Variants in RAF1 observed in about 807,000 individuals in gnomAD.
RAF1 encodes Raf-1 proto-oncogene, serine/threonine kinase, also known as RAF proto-oncogene serine/threonine-protein kinase.
RAF1 carries 27 observed loss-of-function variants against 81.1 expected under a neutral mutation model. That is an observed-to-expected ratio of 0.33 (90% CI 0.25 to 0.46). The LOEUF is 0.46. RAF1 is among the 20% of genes least tolerant of loss of function. The probability of loss-of-function intolerance (pLI) is 1.00; values close to 1 mark genes in which losing one functional copy is unlikely to be tolerated. For synonymous variants in RAF1, 298 were observed against 294.0 expected (o/e 1.01, Z -0.14); for missense variants, 598 against 826.0 (o/e 0.72, Z 3.38).
chr3:12,616,917 A>G (rs2059384616), intron 2 of RAF1, among the ~76,000 whole-genome samples: 1 of 152,132 alleles, frequency 6.6e-6, no homozygotes, highest in Admixed American at 6.6e-5. Context: ...TTTATCCATA[A>G]TAGTAGAAAA....
At chr3:12,617,173 C>T (rs1399657958) in intron 2 of RAF1, among the ~76,000 whole-genome samples, 6 of 152,042 alleles carry the variant, frequency 3.9e-5, no homozygotes, top group African/African-American at 1.2e-4. Flanking sequence ...AGTGCAGTGG[C>T]GCAATCCTGG....
intron 1 of RAF1, among the ~76,000 whole-genome samples, chr3:12,629,659 T>C (rs1233561878): frequency 6.6e-6 from 1 of 152,218 alleles, no homozygotes; most frequent in Non-Finnish European, 1.5e-5. Context: ...TTAAGATCCG[T>C]GCATTCATGG....
At chr3:12,662,795 C>T (rs1430848653) in intron 1 of RAF1, among the ~76,000 whole-genome samples, 1 of 152,104 alleles carries the variant, frequency 6.6e-6, no homozygotes, top group Admixed American at 6.6e-5. Context: ...CCAAGCAAAA[C>T]TAACTGTTCT....
chr3:12,653,542 C>A (rs1277085980), intron 1 of RAF1, among the ~76,000 whole-genome samples: 1 of 151,920 alleles, frequency 6.6e-6, no homozygotes, highest in Non-Finnish European at 1.5e-5. Flanking sequence ...GTCAGGAGTT[C>A]GAGACCAGCC....
In RAF1 at chr3:12,584,900, G is replaced by C. The variant is rs2125319578; in HGVS notation, c.1810C>G (p.Leu604Val). 2 of 1,614,164 alleles carry C rather than the reference G, an allele frequency of 1.2e-6. No homozygotes were observed. Among genetic ancestry groups the C allele is most frequent in the Non-Finnish European group, 1.7e-6 (2 of 1,180,046 alleles). Residue 604 changes from leucine (L) to valine (V), a missense_variant, in exon 17 of 18, where the codon CTG (leucine) becomes GTG (valine). Coordinates refer to ENST00000442415, the MANE Select transcript of RAF1 (RefSeq NM_001354689.3). ...ACTTTCTTCACACAGTCAGCTACCA[G>C]CCTCTTCATTGCTTTGGGGCAGTTC...
chr3:12,637,788 G>A (rs1376914502), intron 1 of RAF1, among the ~76,000 whole-genome samples: 2 of 152,042 alleles, frequency 1.3e-5, no homozygotes, highest in Non-Finnish European at 2.9e-5. Flanking sequence ...GAGAGGCAGA[G>A]GTTGCAGTGA....
intron 2 of RAF1, among the ~76,000 whole-genome samples, chr3:12,613,891 A>C (rs1028734967): frequency 6.6e-6 from 1 of 152,216 alleles, no homozygotes; most frequent in Admixed American, 6.5e-5. Flanking sequence ...GAAGAATTTG[A>C]ACTTGTAACA....
chr3:12,639,043 T>C (rs1362820868), intron 1 of RAF1, among the ~76,000 whole-genome samples: 1 of 35,970 alleles, frequency 2.8e-5, no homozygotes, highest in Non-Finnish European at 5.0e-5. Context: ...TGCTGCTGGA[T>C]CAAGCTGCCT....
At chr3:12,645,935 G>T (rs2060336224) in intron 1 of RAF1, among the ~76,000 whole-genome samples, 1 of 151,966 alleles carries the variant, frequency 6.6e-6, no homozygotes, top group Admixed American at 6.6e-5. Flanking sequence ...CTGTGTGGAG[G>T]AAAGAAAAAG....
At chr3:12,647,518 A>G (rs1340319727) in intron 1 of RAF1, among the ~76,000 whole-genome samples, 3 of 151,622 alleles carry the variant, frequency 2.0e-5, no homozygotes, top group African/African-American at 7.3e-5. Flanking sequence ...ACCTGAGCCC[A>G]GGGAGGTCCA....
chr3:12,585,299 C>G (rs2125323673), intron 15 of RAF1, 46 bp from the exon 15 acceptor site: 1 of 1,611,292 alleles, frequency 6.2e-7, no homozygotes, highest in Non-Finnish European at 8.5e-7. Context: ...CACCATATGA[C>G]AGGCCTCACA....
intron 1 of RAF1, among the ~76,000 whole-genome samples, chr3:12,643,921 C>T (rs1009914618): frequency 6.6e-6 from 1 of 152,132 alleles, no homozygotes; most frequent in Non-Finnish European, 1.5e-5. Context: ...TTTCAGCCTT[C>T]TCACCCTGTG....
intron 6 of RAF1, among the ~76,000 whole-genome samples, chr3:12,605,250 A>ATGTGTGTGTGTGTGTGTGTGTGTG (rs139616156): frequency 5.2e-4 from 75 of 144,634 alleles, no homozygotes; most frequent in Non-Finnish European, 7.4e-4. Flanking sequence ...ATTACACATT[A>ATGTGTGTGTGTGTGTGTGTGTGTG]TGTGTGTGTG....
Position 12,599,672 on chromosome 3 carries a change from G to T in RAF1, c.1168+19C>A. On this transcript the variant is annotated intron_variant, in intron 11 of 17. Transcript: ENST00000442415. ...ACACCAAAGCCCTGCAGTTAGTAAA[G>T]GGAGGGCCCCAAGCTTACCGTGCCA... is the stretch of plus-strand genomic sequence containing the variant. 1 of 1,592,048 alleles carries T rather than the reference G, an allele frequency of 6.3e-7. No individual in the cohort carries two copies. The highest frequency in any genetic ancestry group is 8.6e-7 in the Non-Finnish European group (1 of 1,159,876).
chr3:12,613,879 T>C (rs2059293372), intron 2 of RAF1, among the ~76,000 whole-genome samples: 1 of 152,198 alleles, frequency 6.6e-6, no homozygotes. Context: ...GAGTACAGTA[T>C]AGAAGAATTT....
In RAF1 at chr3:12,585,237, C is replaced by T. The variant is rs149580968; in HGVS notation, c.1613G>A (p.Arg538Gln). 7 of 1,613,944 alleles carry T rather than the reference C, an allele frequency of 4.3e-6. No individual in the cohort carries two copies. Among genetic ancestry groups the T allele is most frequent in the Admixed American group, 1.7e-5 (1 of 59,984 alleles). Residue 538 changes from arginine (R) to glutamine (Q), a missense_variant, in exon 16 of 18, where the codon CGA (arginine) becomes CAA (glutamine). Physicochemically the swap from Arg to Gln is conservative, Grantham distance 43. Around this residue, in one of 5 missense-constraint regions of RAF1, gnomAD observed 147 missense variants for 196.1 expected, o/e 0.75. Transcript: ENST00000442415. The stretch of plus-strand genomic sequence containing the variant: ...ACTGAATGGGTTGTTATCCTGCATT[C>T]GGATCACCTCTGGGGCCTACATGTA...
At chr3:12,659,616 T>G (rs1466937337) in intron 1 of RAF1, among the ~76,000 whole-genome samples, 1 of 148,500 alleles carries the variant, frequency 6.7e-6, no homozygotes, top group Non-Finnish European at 1.5e-5. Flanking sequence ...GATTTTCCAA[T>G]TAATTTATTC....
intron 14 of RAF1, chr3:12,586,850 T>A (rs989575745): frequency 1.3e-5 from 2 of 152,234 alleles, no homozygotes; most frequent in African/African-American, 2.4e-5. Flanking sequence ...TTATTTATTT[T>A]TTTGAGACAC....
At chr3:12,608,453 T>A in intron 5 of RAF1, 1 of 383,914 alleles carries the variant, frequency 2.6e-6, no homozygotes, top group Non-Finnish European at 4.9e-6. Context: ...GATAATACTA[T>A]TAAGAGCGAA....
Sources: allele counts gnomAD v4.1 joint callset (sites outside exome capture counted in the v4.1 genomes callset), GRCh38; gene constraint gnomAD v4.1.1; regional missense constraint gnomAD v4.1.1; transcripts MANE v1.5; gene names NCBI Gene and HGNC (gene_info 2026-07-23, HGNC 2026-07-21).